The following DRC9 variants were observed in gnomAD, a reference collection of about 807,000 sequenced individuals.
DRC9 encodes dynein regulatory complex subunit 9, also known as dynein regulatory complex protein 9.
At chr3:197,953,341 A>G in the DRC9 span, 1 of 431,466 alleles carries the variant, frequency 2.3e-6, no homozygotes, top group Non-Finnish European at 4.7e-6. Flanking sequence ...GGGCCACTGT[A>G]CTGCAGCCTG....
the DRC9 span, among the ~76,000 whole-genome samples, chr3:197,890,978 C>A: frequency 6.6e-6 from 1 of 152,208 alleles, no homozygotes; most frequent in African/African-American, 2.4e-5. Flanking sequence ...GTTTCATCAT[C>A]ACTGAGACAC....
chr3:197,936,805 A>G, the DRC9 span, among the ~76,000 whole-genome samples: 1 of 152,206 alleles, frequency 6.6e-6, no homozygotes, highest in Non-Finnish European at 1.5e-5. Context: ...TGCGACTGGT[A>G]TTTTGGGTCT....
chr3:197,904,828 C>G, the DRC9 span, among the ~76,000 whole-genome samples: 1 of 152,008 alleles, frequency 6.6e-6, no homozygotes, highest in Non-Finnish European at 1.5e-5. Context: ...GGCAACAGAG[C>G]AAGACTCCCT....
chr3:197,904,661 G>C, the DRC9 span, among the ~76,000 whole-genome samples: 2 of 152,042 alleles, frequency 1.3e-5, no homozygotes, highest in African/African-American at 4.8e-5. Flanking sequence ...AGAAGTTTGA[G>C]AACAGCCTGG....
the DRC9 span, among the ~76,000 whole-genome samples, chr3:197,897,937 A>ATT: frequency 0.21 from 27,252 of 132,904 alleles, 4,988 homozygotes; most frequent in African/African-American, 0.5. Context: ...CGCCCAGCTA[A>ATT]TTTTTTTTTT....
At chr3:197,959,781 G>C in the DRC9 span, 1 of 158,846 alleles carries the variant, frequency 6.3e-6, no homozygotes, top group Non-Finnish European at 1.4e-5. Context: ...AGGAAATGGC[G>C]TTAGTTAAGT....
the DRC9 span, chr3:197,950,144 GT>G: frequency 1.6e-6 from 2 of 1,231,692 alleles, no homozygotes; most frequent in South Asian, 8.2e-5. Context: ...TGAGGGCGGA[GT>G]CGAAAGATGT....
At chr3:197,942,200 C>G in the DRC9 span, among the ~76,000 whole-genome samples, 2 of 152,020 alleles carry the variant, frequency 1.3e-5, no homozygotes, top group Non-Finnish European at 2.9e-5. Context: ...CGTCTCCTGA[C>G]TCCAAATCCA....
chr3:197,941,265 C>T, the DRC9 span, among the ~76,000 whole-genome samples: 29 of 132,930 alleles, frequency 2.2e-4, no homozygotes, highest in African/African-American at 8.1e-4. Flanking sequence ...CCCCTCCCTC[C>T]CTTCCTACCT....
At chr3:197,924,442 G>A in the DRC9 span, among the ~76,000 whole-genome samples, 35 of 152,298 alleles carry the variant, frequency 2.3e-4, no homozygotes, top group South Asian at 6.0e-3. Flanking sequence ...AGGGAATAAC[G>A]AAAATTCCCT....
At chr3:197,918,755 AAGTCTTT>A in the DRC9 span, among the ~76,000 whole-genome samples, 3 of 152,196 alleles carry the variant, frequency 2.0e-5, no homozygotes, top group Non-Finnish European at 2.9e-5. Flanking sequence ...GCAGAGTTAA[AAGTCTTT>A]AGCTTCTGCC....
chr3:197,950,448 T>G, the DRC9 span: 4 of 600,212 alleles, frequency 6.7e-6, no homozygotes, highest in Non-Finnish European at 9.2e-6. Context: ...TTCCTGGGCC[T>G]GAACGGAGTG....
At chr3:197,960,125 G>A in the DRC9 span, 1 of 1,001,836 alleles carries the variant, frequency 1.0e-6, no homozygotes, top group Non-Finnish European at 1.4e-6. Context: ...GGGTGACGCT[G>A]TCCAATCGGA....
At chr3:197,934,562 G>C in the DRC9 span, among the ~76,000 whole-genome samples, 2 of 152,172 alleles carry the variant, frequency 1.3e-5, no homozygotes. Context: ...CCAGGTTCAG[G>C]AAAGTTAAGT....
chr3:197,939,051 T>G, the DRC9 span: 1 of 374,202 alleles, frequency 2.7e-6, no homozygotes, highest in Non-Finnish European at 4.8e-6. Flanking sequence ...TAGCAGGCAT[T>G]TCTCATGTTG....
At chr3:197,906,737 G>C in the DRC9 span, 2 of 152,326 alleles carry the variant, frequency 1.3e-5, no homozygotes, top group Non-Finnish European at 2.9e-5. Context: ...CAGGGCTGCA[G>C]AGTTCATTCT....
the DRC9 span, among the ~76,000 whole-genome samples, chr3:197,902,661 C>T: frequency 4.0e-5 from 6 of 151,732 alleles, no homozygotes; most frequent in Non-Finnish European, 7.4e-5. Context: ...TTTGAAAATA[C>T]ACAGGAAAGA....
the DRC9 span, among the ~76,000 whole-genome samples, chr3:197,941,557 C>T: frequency 1.6e-4 from 11 of 69,580 alleles, no homozygotes; most frequent in African/African-American, 2.2e-4. Flanking sequence ...CTCCCTCCCT[C>T]CCTTCCTTCT....
chr3:197,912,687 T>C, the DRC9 span: 1 of 1,613,786 alleles, frequency 6.2e-7, no homozygotes, highest in Non-Finnish European at 8.5e-7. Context: ...GCTGCTCCTT[T>C]CTAAGGAACA....
Sources: gnomAD v4.1 joint callset for allele counts (sites outside exome capture counted in the v4.1 genomes callset) on GRCh38, gnomAD v4.1.1 for gene constraint, MANE v1.5 for transcripts, NCBI Gene and HGNC (gene_info 2026-07-23, HGNC 2026-07-21) for gene names.